ZNF469: variants seen among roughly 807,000 people sequenced by gnomAD.
ZNF469 encodes zinc finger protein 469.
ZNF469 carries 1 observed loss-of-function variant against 1.0 expected under a neutral mutation model. The observed-to-expected ratio is 1.00, with a 90% confidence interval of 0.35 to 4.73. The LOEUF (loss-of-function observed/expected upper bound fraction) is 4.73. ZNF469 is among the 30% of genes most tolerant of loss of function. ZNF469 has a pLI of 0.16. For synonymous variants in ZNF469, 2,703 were observed against 2,363.4 expected, an observed-to-expected ratio of 1.14 and a Z score of -4.17; for missense variants, 6,100 against 5,356.3, an observed-to-expected ratio of 1.14 and a Z score of -4.33.
chr16:88,289,585 A>G, the ZNF469 span, among the ~76,000 whole-genome samples: 1 of 152,202 alleles, frequency 6.6e-6, no homozygotes, highest in Non-Finnish European at 1.5e-5. Flanking sequence ...TCCATGAGCA[A>G]TGAGTGTTAT....
Position 88,428,496 on chromosome 16 carries a change from A to G in ZNF469, c.1026A>G (p.Pro342=), listed in dbSNP as rs1159994770. ...CCCTGCCCTGCTACCAGGGCCAGCC[A>G]GGTGGCCTGAACCGCCACAGCGACC... ...PSPLPCYQGQ[P]GGLNRHSDLS... The change falls in exon 3 of 3, where the codon CCA becomes CCG. Residue 342 remains proline (P), a synonymous_variant. Transcript: ENST00000565624. The G allele has an allele frequency of 7.7e-6, 12 of 1,549,740 alleles. No homozygotes were observed. The highest frequency in any genetic ancestry group is 1.0e-5 in the Non-Finnish European group (12 of 1,146,816).
chr16:88,283,254 G>C, the ZNF469 span, among the ~76,000 whole-genome samples: 1 of 151,152 alleles, frequency 6.6e-6, no homozygotes, highest in Non-Finnish European at 1.5e-5. Flanking sequence ...GCCTCTGTCA[G>C]AACCCATTGA....
At chr16:88,179,179 A>G in the ZNF469 span, among the ~76,000 whole-genome samples, 1 of 152,112 alleles carries the variant, frequency 6.6e-6, no homozygotes, top group Non-Finnish European at 1.5e-5. Context: ...TCCCCTCCAC[A>G]TCTCATGTTG....
chr16:88,256,871 C>CT, the ZNF469 span, among the ~76,000 whole-genome samples: 995 of 139,894 alleles, frequency 7.1e-3, 26 homozygotes, highest in African/African-American at 0.025. Context: ...TCCTTCCTTT[C>CT]TTTCTTTTCT....
chr16:88,438,782 C>T lies in ZNF469; in HGVS notation c.11312C>T (p.Pro3771Leu). The T allele has an allele frequency of 6.5e-7, 1 of 1,550,246 alleles. No individual in the cohort carries two copies. Among genetic ancestry groups the T allele is most frequent in the Admixed American group, 2.0e-5 (1 of 51,006 alleles). The change falls in exon 3 of 3, where the codon CCC (proline) becomes CTC (leucine). Residue 3771 changes from proline to leucine, a missense_variant. Physicochemically the swap from Pro to Leu is moderately conservative, Grantham distance 98. Transcript: ENST00000565624. ...ACCACCCCAGCCAAGCCCAGCTTCCCCAGCCGGAGCCCTGCACCAGAGAGG... is the reference window on the plus strand; with the variant it reads ...ACCACCCCAGCCAAGCCCAGCTTCCTCAGCCGGAGCCCTGCACCAGAGAGG... ...TATTPAKPSFPSRSPAPERLP... is the reference protein window; with the variant it reads ...TATTPAKPSFLSRSPAPERLP...
In ZNF469 at chr16:88,432,919, C is replaced by G. The variant is rs559099409; in HGVS notation, c.5449C>G (p.Leu1817Val). 52 of 1,550,426 alleles carry G rather than the reference C, an allele frequency of 3.4e-5. No homozygotes were observed. The African/African-American group carries it at 6.4e-4, about 19-fold the overall frequency. Residue 1817 changes from leucine (L) to valine (V), a missense_variant, in exon 3 of 3, where the codon CTG (leucine) becomes GTG (valine). Leu to Val is a conservative substitution (Grantham distance 32). Coordinates refer to ENST00000565624, the MANE Select transcript of ZNF469 (RefSeq NM_001367624.2). Reference protein sequence around the residue: ...LAFQGDGAPPLDATWPFGASP... With the variant: ...LAFQGDGAPPVDATWPFGASP... ...ATTTCAGGGTGACGGGGCTCCACCT[C>G]TGGATGCCACCTGGCCTTTTGGTGC...
chr16:88,270,035 C>A, the ZNF469 span, among the ~76,000 whole-genome samples: 1 of 152,220 alleles, frequency 6.6e-6, no homozygotes, highest in Non-Finnish European at 1.5e-5. Flanking sequence ...AGCACTGCCT[C>A]CTGTAGACGG....
chr16:88,202,928 G>A, the ZNF469 span, among the ~76,000 whole-genome samples: 2 of 152,160 alleles, frequency 1.3e-5, no homozygotes, highest in Non-Finnish European at 2.9e-5. Context: ...CCTGAGCCGG[G>A]TGCCGCAGCC....
the ZNF469 span, among the ~76,000 whole-genome samples, chr16:88,341,500 C>T: frequency 1.3e-5 from 2 of 152,358 alleles, no homozygotes; most frequent in South Asian, 4.1e-4. Flanking sequence ...CCGTCCTCCC[C>T]AGCTCTCTGA....
At chr16:88,114,490 G>T in the ZNF469 span, among the ~76,000 whole-genome samples, 26 of 149,694 alleles carry the variant, frequency 1.7e-4, no homozygotes, top group Admixed American at 1.4e-3. Flanking sequence ...CTCCGGGTTG[G>T]GGAATGACAG....
chr16:88,414,281 TC>T (rs1368303266), intron 1 of ZNF469, among the ~76,000 whole-genome samples: 3 of 152,256 alleles, frequency 2.0e-5, no homozygotes, highest in African/African-American at 7.2e-5. Context: ...CGGCCACGGA[TC>T]CCATCACGCC....
Position 88,434,912 on chromosome 16 carries a change from T to C in ZNF469, c.7442T>C (p.Phe2481Ser). ...PVTCEVCAAS[F>S]RSGPGLSRHK... ...ACCTGTGAGGTCTGCGCAGCCTCCTTCCGCTCCGGGCCGGGCCTGAGCCGG... is the reference window on the plus strand; with the variant it reads ...ACCTGTGAGGTCTGCGCAGCCTCCTCCCGCTCCGGGCCGGGCCTGAGCCGG... Residue 2481 changes from phenylalanine to serine, a missense_variant, in exon 3 of 3, where the codon TTC becomes TCC. Transcript: ENST00000565624. The C allele has an allele frequency of 6.5e-7, 1 of 1,550,116 alleles. No individual in the cohort carries two copies.
At chr16:88,417,903 C>T (rs7186017) in intron 1 of ZNF469, among the ~76,000 whole-genome samples, 112,499 of 152,202 alleles carry the variant, frequency 0.74, 43,394 homozygotes, top group South Asian at 0.89. Flanking sequence ...TGTGCTCACG[C>T]GTGTGCATGG....
intron 1 of ZNF469, among the ~76,000 whole-genome samples, chr16:88,419,152 A>G (rs1179520546): frequency 3.9e-5 from 6 of 152,174 alleles, no homozygotes; most frequent in Admixed American, 2.0e-4. Flanking sequence ...GCTGGCACAC[A>G]TGGCATCTGG....
At chr16:88,419,081 C>T (rs1487380102) in intron 1 of ZNF469, among the ~76,000 whole-genome samples, 1 of 152,226 alleles carries the variant, frequency 6.6e-6, no homozygotes, top group Non-Finnish European at 1.5e-5. Context: ...AGCCGAACTC[C>T]TCCCTTTTCC....
the ZNF469 span, among the ~76,000 whole-genome samples, chr16:88,274,219 A>G: frequency 0.68 from 103,750 of 152,008 alleles, 35,514 homozygotes; most frequent in East Asian, 0.86. Flanking sequence ...ACTGTCTAAT[A>G]CCCATGGTGT....
intron 1 of ZNF469, among the ~76,000 whole-genome samples, chr16:88,389,335 G>A (rs1018094427): frequency 1.2e-4 from 19 of 152,366 alleles, no homozygotes; most frequent in Admixed American, 1.2e-3. Flanking sequence ...GGGAGTCGGC[G>A]CTTCCTTCGT....
At chr16:88,174,606 C>T in the ZNF469 span, among the ~76,000 whole-genome samples, 1 of 148,364 alleles carries the variant, frequency 6.7e-6, no homozygotes, top group Non-Finnish European at 1.5e-5. Flanking sequence ...AGCCCTGATA[C>T]AGCAAGATTA....
chr16:88,319,840 A>G, the ZNF469 span, among the ~76,000 whole-genome samples: 3 of 152,190 alleles, frequency 2.0e-5, no homozygotes, highest in South Asian at 6.2e-4. Flanking sequence ...GGTGGAGACC[A>G]AGCTGCTGGG....
Sources: gnomAD v4.1 joint callset for allele counts (sites outside exome capture counted in the v4.1 genomes callset) on GRCh38, gnomAD v4.1.1 for gene constraint, MANE v1.5 for transcripts, NCBI Gene and HGNC (gene_info 2026-07-23, HGNC 2026-07-21) for gene names.